SEPTIN2: variants seen among roughly 807,000 people sequenced by gnomAD.
SEPTIN2 encodes septin-2.
A neutral mutation model predicts 46.5 loss-of-function variants in SEPTIN2; 34 were observed. The ratio of observed to expected loss-of-function variants is 0.73; its 90% CI spans 0.56 to 0.97. SEPTIN2 has a LOEUF of 0.97. SEPTIN2 is among the 50% of genes least tolerant of loss of function. SEPTIN2 has a pLI of 0.00. For synonymous variants in SEPTIN2, 175 were observed against 153.4 expected (o/e 1.14, Z -1.04); for missense variants, 347 against 448.4 (o/e 0.77, Z 2.04).
intron 1 of SEPTIN2, chr2:241,316,534 G>T: frequency 3.3e-6 from 5 of 1,521,634 alleles, no homozygotes; most frequent in Non-Finnish European, 4.4e-6. Context: ...GAGGAGAGGC[G>T]ACGAAGGTCT....
chr2:241,316,473 G>C (rs2076272341), intron 1 of SEPTIN2: 1 of 1,496,912 alleles, frequency 6.7e-7, no homozygotes, highest in Non-Finnish European at 8.9e-7. Context: ...GCTGGATGCC[G>C]TGGATAAGCG....
chr2:241,336,065 C>T lies in SEPTIN2; in HGVS notation c.308C>T (p.Pro103Leu). ...CTACGCCTGACAGTGGTAGATACCCCTGGCTATGGTGACGCTATCAACTGC... is the reference window on the plus strand; with the variant it reads ...CTACGCCTGACAGTGGTAGATACCCTTGGCTATGGTGACGCTATCAACTGC... The part of the protein sequence containing the change: ...VKLRLTVVDT[P>L]GYGDAINCRD... The change falls in exon 5 of 13, where the codon CCT (proline) becomes CTT (leucine). Residue 103 changes from proline to leucine, a missense_variant. By Grantham distance (98) the Pro-to-Leu change is moderately conservative. Transcript: ENST00000391971. 1.2e-6 allele frequency: 2 copies of T among 1,614,186 alleles called. No individual in the cohort carries two copies. The highest frequency in any genetic ancestry group is 1.7e-6 in the Non-Finnish European group (2 of 1,180,030).
intron 5 of SEPTIN2, chr2:241,336,375 C>T (rs1424926639): frequency 1.0e-5 from 4 of 397,744 alleles, no homozygotes; most frequent in East Asian, 4.7e-5. Context: ...GGTTGGTGAC[C>T]GAGATACTGT....
intron 1 of SEPTIN2, chr2:241,316,867 T>C (rs1456030858): frequency 4.2e-6 from 1 of 236,300 alleles, no homozygotes; most frequent in East Asian, 8.3e-5. Context: ...TGCCTTCTCC[T>C]TACCTAGTCT....
At chr2:241,346,098 G>C in intron 9 of SEPTIN2, 68 bp from the exon 10 acceptor site, 1 of 1,075,052 alleles carries the variant, frequency 9.3e-7, no homozygotes, top group Non-Finnish European at 1.4e-6. Context: ...TACTTGATGG[G>C]TGGTTTTTTT....
Position 241,338,771 on chromosome 2 carries a change from T to TATATTATATTTATATTTATATATAATAC in SEPTIN2, c.594+997_594+998insTATATATAATACATATTATATTTATATT, listed in dbSNP as rs1559642696. On this transcript the variant is annotated intron_variant, in intron 7 of 12. Transcript: ENST00000391971. ...ATGTAATATATTTATATTGTTTATATATATTATATTTATATTATTTATATA... is the reference window on the plus strand; with the variant it reads ...ATGTAATATATTTATATTGTTTATATATATTATATTTATATTTATATATAATACATATTATATTTATATTATTTATATA... Among the ~76,000 whole-genome samples the TATATTATATTTATATTTATATATAATAC allele has an allele frequency of 1.6e-4, 7 of 43,944 alleles. No individual in the cohort carries two copies. The East Asian group carries it at 2.9e-3, about 19-fold the overall frequency. The allele number at this position is 43,944 out of a possible 152,430, so 28.8% of individuals were successfully genotyped here.
intron 2 of SEPTIN2, chr2:241,324,788 C>T (rs1415975397): frequency 1.3e-5 from 2 of 153,076 alleles, no homozygotes; most frequent in Non-Finnish European, 2.9e-5. Context: ...TAGTTCATTC[C>T]CAGCAGACCA....
At chr2:241,344,787 C>T (rs1559661042) in intron 9 of SEPTIN2, among the ~76,000 whole-genome samples, 3 of 152,110 alleles carry the variant, frequency 2.0e-5, no homozygotes, top group South Asian at 4.2e-4. Context: ...AGGCTGAGGC[C>T]GGGTGCGGTG....
chr2:241,332,429 A>G (rs2079150246), intron 3 of SEPTIN2, among the ~76,000 whole-genome samples: 1 of 152,238 alleles, frequency 6.6e-6, no homozygotes, highest in Admixed American at 6.5e-5. Flanking sequence ...AGGTGTCCAC[A>G]TCTTTGGTGG....
At chr2:241,337,605 T>C (rs944776933) in intron 6 of SEPTIN2, 68 bp from the exon 7 acceptor site, 2 of 1,579,598 alleles carry the variant, frequency 1.3e-6, no homozygotes, top group Admixed American at 1.8e-5. Context: ...AGAATTAAGA[T>C]AATTTGAGAG....
chr2:241,346,124 A>G (rs769445304), intron 9 of SEPTIN2, 42 bp from the exon 10 acceptor site: 15 of 1,442,072 alleles, frequency 1.0e-5, no homozygotes, highest in South Asian at 1.2e-5. Flanking sequence ...TGAGAATGTC[A>G]TGTGCATGAT....
chr2:241,329,772 A>G (rs747417467), intron 3 of SEPTIN2, among the ~76,000 whole-genome samples: 4 of 152,194 alleles, frequency 2.6e-5, no homozygotes, highest in Non-Finnish European at 5.9e-5. Flanking sequence ...CTGATTGGCT[A>G]GCAACTTAGA....
At chr2:241,329,326 C>T (rs2078576407) in intron 3 of SEPTIN2, among the ~76,000 whole-genome samples, 1 of 152,022 alleles carries the variant, frequency 6.6e-6, no homozygotes, top group South Asian at 2.1e-4. Context: ...GACGGGGTTT[C>T]ACCGTGTTAG....
chr2:241,340,641 G>C (rs2081126617), intron 7 of SEPTIN2, among the ~76,000 whole-genome samples: 1 of 152,164 alleles, frequency 6.6e-6, no homozygotes, highest in African/African-American at 2.4e-5. Context: ...AATGGGGGTG[G>C]TGTCAGGGTT....
intron 7 of SEPTIN2, among the ~76,000 whole-genome samples, chr2:241,339,002 AAAT>A (rs1435213514): frequency 1.7e-5 from 2 of 116,130 alleles, no homozygotes; most frequent in African/African-American, 6.7e-5. Context: ...AAATATATAT[AAAT>A]ATTATATTTA....
At chr2:241,323,294 C>G (rs2077423270) in intron 1 of SEPTIN2, among the ~76,000 whole-genome samples, 1 of 152,068 alleles carries the variant, frequency 6.6e-6, no homozygotes, top group South Asian at 2.1e-4. Context: ...TCTCAGCCTT[C>G]TGAGTAGCTG....
rs945710506 is a variant in SEPTIN2, at chr2:241,348,074, G to GA, written c.927-60_927-59insA. On this transcript the variant is annotated intron_variant, in intron 10 of 12. Transcript: ENST00000391971. ...TTAAATTTTAAAGTAGAATTTTTTG[G>GA]GGGGGTAGCAAATAACTATTTGTTG... 32 of 1,328,778 alleles carry GA rather than the reference G, an allele frequency of 2.4e-5. No homozygotes were observed. In the African/African-American group the frequency reaches 3.6e-4, roughly 15 times the overall value. The allele number at this position is 1,328,778 out of a possible 1,614,324, so 82.3% of individuals were successfully genotyped here. A position where few individuals can be genotyped will look rare whatever the true frequency, so the allele number is the denominator to read the frequency against.
intron 7 of SEPTIN2, among the ~76,000 whole-genome samples, chr2:241,341,772 GCA>G (rs1469801574): frequency 2.0e-5 from 3 of 152,290 alleles, no homozygotes; most frequent in African/African-American, 7.2e-5. Context: ...CAAATCCAGT[GCA>G]CAGTTTGAGG....
chr2:241,343,502 A>C (rs1182671522), intron 8 of SEPTIN2, among the ~76,000 whole-genome samples: 1 of 152,202 alleles, frequency 6.6e-6, no homozygotes, highest in East Asian at 1.9e-4. Context: ...TGTCTCAAAA[A>C]AAAAAAAAAT....
Sources: allele counts gnomAD v4.1 joint callset (sites outside exome capture counted in the v4.1 genomes callset), GRCh38; gene constraint gnomAD v4.1.1; transcripts MANE v1.5; gene names NCBI Gene and HGNC (gene_info 2026-07-23, HGNC 2026-07-21).